The following CLSTN2 variants were observed in gnomAD, a reference collection of about 807,000 sequenced individuals.
CLSTN2 encodes calsyntenin 2, also known as calsyntenin-2.
CLSTN2 carries 48 observed loss-of-function variants against 101.2 expected under a neutral mutation model. The ratio of observed to expected loss-of-function variants is 0.47; its 90% CI spans 0.38 to 0.60. The LOEUF is 0.60. Ranked by LOEUF, CLSTN2 falls within the 20% of genes least tolerant of loss-of-function variation. The pLI is 0.00. For synonymous variants in CLSTN2, 481 were observed against 463.6 expected (o/e 1.04, Z -0.48); for missense variants, 1,160 against 1,238.2 (o/e 0.94, Z 0.95).
intron 2 of CLSTN2, among the ~76,000 whole-genome samples, chr3:140,178,296 T>C (rs373589291): frequency 2.6e-5 from 4 of 152,296 alleles, no homozygotes; most frequent in African/African-American, 9.6e-5. Flanking sequence ...CAAAAGGTTA[T>C]TTAAGTTTGT....
chr3:140,039,366 C>T (rs1178083177), intron 1 of CLSTN2, among the ~76,000 whole-genome samples: 1 of 152,136 alleles, frequency 6.6e-6, no homozygotes, highest in Non-Finnish European at 1.5e-5. Flanking sequence ...CAGTGTAATA[C>T]ATTTTGCCAA....
chr3:140,506,528 C>A (rs145882266), intron 8 of CLSTN2: 1 of 152,256 alleles, frequency 6.6e-6, no homozygotes, highest in East Asian at 1.9e-4. Flanking sequence ...CTAAAAGGCT[C>A]GGTGCCCAGT....
chr3:140,269,992 G>A (rs2107889063), intron 2 of CLSTN2, among the ~76,000 whole-genome samples: 1 of 152,266 alleles, frequency 6.6e-6, no homozygotes, highest in African/African-American at 2.4e-5. Context: ...AGGAAAAGCG[G>A]GCCAGTTTCT....
chr3:139,960,802 G>A (rs1424936824), intron 1 of CLSTN2, among the ~76,000 whole-genome samples: 2 of 152,274 alleles, frequency 1.3e-5, no homozygotes, highest in South Asian at 2.1e-4. Context: ...TTGAGATAAG[G>A]GGGCAGGATC....
intron 2 of CLSTN2, among the ~76,000 whole-genome samples, chr3:140,308,261 C>T (rs979124774): frequency 2.6e-5 from 4 of 152,212 alleles, no homozygotes; most frequent in African/African-American, 9.7e-5. Flanking sequence ...CAGAGGGCCT[C>T]AGTTTTCCAG....
intron 4 of CLSTN2, 34 bp downstream of exon 4, chr3:140,404,800 G>T: frequency 6.3e-7 from 1 of 1,575,562 alleles, no homozygotes; most frequent in South Asian, 1.1e-5. Context: ...GTGGGGTCAG[G>T]AAAACAAATC....
intron 1 of CLSTN2, among the ~76,000 whole-genome samples, chr3:139,942,835 G>A (rs1188782807): frequency 2.0e-5 from 3 of 152,130 alleles, no homozygotes; most frequent in African/African-American, 4.8e-5. Context: ...GCCACTTGAA[G>A]CCCATTTCTT....
At chr3:139,958,135 C>A (rs1401308900) in intron 1 of CLSTN2, among the ~76,000 whole-genome samples, 3 of 152,178 alleles carry the variant, frequency 2.0e-5, no homozygotes, top group Non-Finnish European at 2.9e-5. Flanking sequence ...AACTCTCATA[C>A]AGGAGGCCAG....
intron 8 of CLSTN2, among the ~76,000 whole-genome samples, chr3:140,526,238 AC>A (rs1041185522): frequency 1.0e-3 from 156 of 152,288 alleles, no homozygotes; most frequent in African/African-American, 3.5e-3. Flanking sequence ...AAATTAATGT[AC>A]AAAAATTAGT....
chr3:140,383,225 A>G lies in CLSTN2; in HGVS notation c.233-20404A>G, dbSNP rs371016137. Among the ~76,000 whole-genome samples, 105 of 152,298 alleles carry G rather than the reference A, an allele frequency of 6.9e-4. 2 individuals carry two copies. Among genetic ancestry groups the G allele is most frequent in the African/African-American group, 2.4e-3 (99 of 41,580 alleles). On this transcript the variant is annotated intron_variant, in intron 2 of 16. Coordinates refer to ENST00000458420, the MANE Select transcript of CLSTN2 (RefSeq NM_022131.3). ...GACCAGGAAATAGATTGTTCAGCTCAGGGGGACTATGTGAACCCAGCTTCT... is the reference window on the plus strand; with the variant it reads ...GACCAGGAAATAGATTGTTCAGCTCGGGGGGACTATGTGAACCCAGCTTCT...
At chr3:140,473,487 CT>C (rs755330156) in intron 8 of CLSTN2, among the ~76,000 whole-genome samples, 6 of 152,130 alleles carry the variant, frequency 3.9e-5, no homozygotes, top group Non-Finnish European at 5.9e-5. Flanking sequence ...AGTAAGTGTT[CT>C]TATAAGAGGG....
At chr3:140,459,415 C>CA in intron 6 of CLSTN2, 106 bp from the exon 7 acceptor site, 3 of 1,281,082 alleles carry the variant, frequency 2.3e-6, no homozygotes, top group Middle Eastern at 3.8e-4. Flanking sequence ...TAGGCACAGA[C>CA]GTCTCTGAGT....
chr3:140,405,266 C>T (rs949242068), intron 4 of CLSTN2, among the ~76,000 whole-genome samples: 2 of 151,014 alleles, frequency 1.3e-5, no homozygotes, highest in Non-Finnish European at 1.5e-5. Flanking sequence ...TCGCTCTTGT[C>T]GCCCAAGCTA....
chr3:140,105,455 C>T (rs1481202657), intron 1 of CLSTN2, among the ~76,000 whole-genome samples: 3 of 152,218 alleles, frequency 2.0e-5, no homozygotes, highest in Non-Finnish European at 2.9e-5. Context: ...ATAGTAGCCT[C>T]TGTTCCCTCT....
chr3:140,151,972 T>C (rs2009874387), intron 1 of CLSTN2, among the ~76,000 whole-genome samples: 1 of 152,100 alleles, frequency 6.6e-6, no homozygotes, highest in South Asian at 2.1e-4. Flanking sequence ...TCACCATCTT[T>C]TGCTTCTCCG....
intron 2 of CLSTN2, among the ~76,000 whole-genome samples, chr3:140,356,450 T>A (rs1339340573): frequency 6.6e-6 from 1 of 151,912 alleles, no homozygotes; most frequent in Non-Finnish European, 1.5e-5. Context: ...AGAAAACAAT[T>A]ATCCTTAATT....
At chr3:140,129,596 T>A (rs2009491622) in intron 1 of CLSTN2, among the ~76,000 whole-genome samples, 1 of 152,208 alleles carries the variant, frequency 6.6e-6, no homozygotes, top group Admixed American at 6.5e-5. Flanking sequence ...AGATGGTAGG[T>A]TAAAGATAAG....
At chr3:140,242,380 A>G (rs1321693466) in intron 2 of CLSTN2, among the ~76,000 whole-genome samples, 3 of 152,154 alleles carry the variant, frequency 2.0e-5, no homozygotes, top group African/African-American at 4.8e-5. Flanking sequence ...AAGAAAGCAC[A>G]TTTGAAATAT....
chr3:140,059,213 G>T (rs564031324), intron 1 of CLSTN2, among the ~76,000 whole-genome samples: 1 of 152,364 alleles, frequency 6.6e-6, no homozygotes, highest in East Asian at 1.9e-4. Context: ...AAAGGATTAA[G>T]TGAGCAAATG....
Sources: allele counts gnomAD v4.1 joint callset (sites outside exome capture counted in the v4.1 genomes callset), GRCh38; gene constraint gnomAD v4.1.1; transcripts MANE v1.5; gene names NCBI Gene and HGNC (gene_info 2026-07-23, HGNC 2026-07-21).